Variants in DUS4L observed in about 807,000 individuals in gnomAD.
The protein encoded by DUS4L is dihydrouridine synthase 4 like.
In DUS4L, 31 loss-of-function variants were observed where a neutral mutation model predicts 33.8. The observed-to-expected ratio is 0.92, with a 90% CI of 0.69 to 1.24. The LOEUF (loss-of-function observed/expected upper bound fraction) is 1.24. Among genes scored for constraint, DUS4L ranks in the 50% most tolerant of loss-of-function variants. The pLI is 0.00. For synonymous variants in DUS4L, 103 were observed against 120.3 expected, an observed-to-expected ratio of 0.86 and a Z score of 0.94; for missense variants, 368 against 388.6, an observed-to-expected ratio of 0.95 and a Z score of 0.45.
intron 4 of DUS4L, among the ~76,000 whole-genome samples, chr7:107,573,085 G>T (rs1805408566): frequency 1.3e-5 from 2 of 152,126 alleles, no homozygotes; most frequent in Non-Finnish European, 2.9e-5. Context: ...GATAAGTTGT[G>T]AGGAAACAAG....
chr7:107,565,197 A>C (rs1290256756), intron 2 of DUS4L, among the ~76,000 whole-genome samples: 1 of 152,202 alleles, frequency 6.6e-6, no homozygotes, highest in Non-Finnish European at 1.5e-5. Flanking sequence ...TCATACAGCG[A>C]AAGTTTTGAC....
Position 107,577,394 on chromosome 7 carries a change from A to T in DUS4L, c.788A>T (p.Asp263Val). Reference protein sequence around the residue: ...YEETPLKCIWDWVDIALELGT... With the variant: ...YEETPLKCIWVWVDIALELGT... ...GAAACCCCACTGAAATGCATCTGGG[A>T]CTGGGTTGACATTGCTCTTGAACTC... Residue 263 changes from aspartate to valine, a missense_variant, in exon 8 of 8, where the codon GAC becomes GTC. Transcript: ENST00000265720. The T allele has an allele frequency of 1.2e-6, 2 of 1,614,136 alleles. No homozygotes were observed. Among genetic ancestry groups the T allele is most frequent in the Non-Finnish European group, 1.7e-6 (2 of 1,180,012 alleles).
At chr7:107,571,116 TG>T in intron 3 of DUS4L, 28 bp from the exon 4 acceptor site, 1 of 1,612,548 alleles carries the variant, frequency 6.2e-7, no homozygotes, top group South Asian at 1.1e-5. Flanking sequence ...TGTTTCTAAA[TG>T]CATAATTAAG....
Position 107,573,691 on chromosome 7 carries a change from T to C in DUS4L, c.239-13T>C. ...TCCTGTGAATTTTAATGTTGAGCTA[T>C]TCATTTTGTCAGGTGATTGCCCATT... On this transcript the variant is annotated splice_polypyrimidine_tract_variant and intron_variant, in intron 4 of 7. Coordinates refer to ENST00000265720, the MANE Select transcript of DUS4L (RefSeq NM_181581.3). The C allele has an allele frequency of 6.2e-7, 1 of 1,603,628 alleles. No individual in the cohort carries two copies. Among genetic ancestry groups the C allele is most frequent in the Non-Finnish European group, 8.5e-7 (1 of 1,176,106 alleles).
At chr7:107,568,204 T>A (rs1379777929) in intron 3 of DUS4L, among the ~76,000 whole-genome samples, 2 of 152,186 alleles carry the variant, frequency 1.3e-5, no homozygotes, top group Admixed American at 6.5e-5. Context: ...TGTACCCAGA[T>A]GTAGAATTGC....
At chr7:107,577,211 G>A (rs1805830552) in intron 7 of DUS4L, 102 bp from the exon 8 acceptor site, 4 of 1,486,224 alleles carry the variant, frequency 2.7e-6, no homozygotes, top group African/African-American at 2.8e-5. Context: ...ACAAAACCTT[G>A]TGATAATACT....
intron 3 of DUS4L, among the ~76,000 whole-genome samples, chr7:107,569,205 A>C (rs1804977645): frequency 6.6e-6 from 1 of 152,232 alleles, no homozygotes; most frequent in Non-Finnish European, 1.5e-5. Context: ...CTCCGTCTCA[A>C]AAATAATAAT....
Position 107,575,170 on chromosome 7 carries a change from T to C in DUS4L, c.357-18T>C. ...CAGTTATTTATAATTCACTTGTTCA[T>C]GTGTTTGCTTTACAAAGGTGGGCAA... On this transcript the variant is annotated intron_variant, in intron 5 of 7. Transcript: ENST00000265720. 6 of 1,606,778 alleles carry C rather than the reference T, an allele frequency of 3.7e-6. No individual in the cohort carries two copies. The highest frequency in any genetic ancestry group is 4.2e-6 in the Non-Finnish European group (5 of 1,178,498).
At position 107,576,472 on chromosome 7, in the gene DUS4L, C is replaced by A. The variant is rs375756660; in HGVS notation, c.586C>A (p.Pro196Thr). 6.2e-7 allele frequency: 1 copy of A among 1,612,476 alleles called. No individual in the cohort carries two copies. The highest frequency in any genetic ancestry group is 8.5e-7 in the Non-Finnish European group (1 of 1,179,636). ...AAGAACTGCTGAAGAAAGACATCAG[C>A]CAGTGCACTATGATTCCATTAAAAT... Reference protein sequence around the residue: ...HGRTAEERHQPVHYDSIKIIK... With the variant: ...HGRTAEERHQTVHYDSIKIIK... The change falls in exon 7 of 8, where the codon CCA becomes ACA. Residue 196 changes from proline (P) to threonine (T), a missense_variant. Pro to Thr is a conservative substitution (Grantham distance 38). Coordinates refer to ENST00000265720, the MANE Select transcript of DUS4L (RefSeq NM_181581.3).
In DUS4L at chr7:107,577,294, G is replaced by A; in HGVS notation, c.707-19G>A. The A allele has an allele frequency of 6.2e-7, 1 of 1,613,058 alleles. No individual in the cohort carries two copies. The highest frequency in any genetic ancestry group is 1.1e-5 in the South Asian group (1 of 91,032). Reference sequence around the variant, plus strand: ...GGGTTCTTAATGTATGGACAAATATGGTGTGCTTTAATTTGTAGGTGTGAT... The same window carrying A: ...GGGTTCTTAATGTATGGACAAATATAGTGTGCTTTAATTTGTAGGTGTGAT... On this transcript the variant is annotated intron_variant, in intron 7 of 7. Coordinates refer to ENST00000265720, the MANE Select transcript of DUS4L (RefSeq NM_181581.3).
At chr7:107,565,946 T>C (rs1245595801) in intron 2 of DUS4L, among the ~76,000 whole-genome samples, 2 of 152,226 alleles carry the variant, frequency 1.3e-5, no homozygotes, top group Non-Finnish European at 2.9e-5. Context: ...CTTGTTGCCA[T>C]TGCGCTTTAT....
chr7:107,571,968 C>G (rs1403454444), intron 4 of DUS4L, among the ~76,000 whole-genome samples: 1 of 151,932 alleles, frequency 6.6e-6, no homozygotes, highest in African/African-American at 2.4e-5. Flanking sequence ...CTCTTGCAAA[C>G]TGTAGTTTAT....
intron 7 of DUS4L, chr7:107,576,851 A>G: frequency 2.7e-6 from 1 of 370,234 alleles, no homozygotes; most frequent in Non-Finnish European, 4.8e-6. Flanking sequence ...TTTTCCAGAT[A>G]GCCTACTAGT....
chr7:107,576,517 A>T lies in DUS4L; in HGVS notation c.631A>T (p.Ile211Leu), dbSNP rs369560856. 6.2e-7 allele frequency: 1 copy of T among 1,608,464 alleles called. No homozygotes were observed. The highest frequency in any genetic ancestry group is 8.5e-7 in the Non-Finnish European group (1 of 1,178,298). The change falls in exon 7 of 8, where the codon ATA becomes TTA. Residue 211 changes from isoleucine to leucine, a missense_variant. By Grantham distance (5) the Ile-to-Leu change is conservative. Coordinates refer to ENST00000265720, the MANE Select transcript of DUS4L (RefSeq NM_181581.3). ...SIKIIKENMSIPVIANGDIRS... is the reference protein window; with the variant it reads ...SIKIIKENMSLPVIANGDIRS... ...TAAAATAATTAAGGAAAATATGTCT[A>T]TACCTGTAATTGCTAATGGAGACAT...
Position 107,577,667 on chromosome 7 carries a change from A to G in DUS4L, c.*107A>G. 1 of 1,286,626 alleles carries G rather than the reference A, an allele frequency of 7.8e-7. No individual in the cohort carries two copies. The highest frequency in any genetic ancestry group is 1.1e-6 in the Non-Finnish European group (1 of 951,428). 79.7% of individuals were successfully genotyped at this position (1,286,626 alleles called of 1,614,324 possible). A position where few individuals can be genotyped will look rare whatever the true frequency, so the allele number is the denominator to read the frequency against. On this transcript the variant is annotated 3_prime_UTR_variant, in exon 8 of 8. Transcript: ENST00000265720. ...GTAGCTCTCAAATTTTAGTATAAAA[A>G]CAATTCCTGGGAGCGTTTTTTAAAA...
At chr7:107,576,103 C>T (rs1322432599) in intron 6 of DUS4L, among the ~76,000 whole-genome samples, 2 of 152,210 alleles carry the variant, frequency 1.3e-5, no homozygotes, top group Non-Finnish European at 1.5e-5. Flanking sequence ...ATGGGTCTTT[C>T]ATTTATCAAA....
chr7:107,575,398 A>C (rs1319234573), intron 6 of DUS4L, 88 bp downstream of exon 6: 1 of 1,442,986 alleles, frequency 6.9e-7, no homozygotes, highest in Non-Finnish European at 9.4e-7. Flanking sequence ...TGTTGGGAGT[A>C]TCTATCCTAA....
chr7:107,577,115 T>A, intron 7 of DUS4L, 198 bp from the exon 8 acceptor site: 1 of 651,132 alleles, frequency 1.5e-6, no homozygotes, highest in Non-Finnish European at 2.4e-6. Context: ...TTTCTGTACG[T>A]ACATTTAAAC....
At position 107,573,749 on chromosome 7, in the gene DUS4L, T is replaced by G; in HGVS notation, c.284T>G (p.Leu95Arg). Residue 95 changes from leucine to arginine, a missense_variant, in exon 5 of 8, where the codon CTT becomes CGT. Physicochemically the swap from Leu to Arg is moderately radical, Grantham distance 102. Coordinates refer to ENST00000265720, the MANE Select transcript of DUS4L (RefSeq NM_181581.3). The part of the protein sequence containing the change: ...IVQFAANDAR[L>R]LSDAARIVCP... ...CAGTTTGCTGCTAACGATGCAAGAC[T>G]TTTATCTGATGCTGCTCGTATAGTC... The G allele has an allele frequency of 6.2e-7, 1 of 1,611,654 alleles. No homozygotes were observed. The highest frequency in any genetic ancestry group is 1.1e-5 in the South Asian group (1 of 90,542).
Sources: allele counts gnomAD v4.1 joint callset (sites outside exome capture counted in the v4.1 genomes callset), GRCh38; gene constraint gnomAD v4.1.1; transcripts MANE v1.5; gene names NCBI Gene and HGNC (gene_info 2026-07-23, HGNC 2026-07-21).